Variants in CDH23 observed in about 807,000 individuals in gnomAD.
The protein encoded by CDH23 is cadherin related 23, also known as cadherin-23.
A neutral mutation model predicts 317.1 loss-of-function variants in CDH23; 189 were observed. The ratio of observed to expected loss-of-function variants is 0.60; its 90% confidence interval spans 0.53 to 0.67. CDH23 has a LOEUF of 0.67. CDH23 is among the 30% of genes least tolerant of loss of function. CDH23 has a pLI of 0.00. For missense variants in CDH23, 4,401 were observed against 4,592.4 expected, an observed-to-expected ratio of 0.96 and a Z score of 1.20; for synonymous variants, 1,839 against 1,876.8, an observed-to-expected ratio of 0.98 and a Z score of 0.52.
In CDH23 at chr10:71,523,570, A is replaced by G. The variant is rs986974816; in HGVS notation, c.429+12358A>G. The stretch of plus-strand genomic sequence containing the variant: ...ACATTTCCACGGAGCCACACTCGGG[A>G]GGCACGGGTCGGAGCCAGCAGCCGG... On this transcript the variant is annotated intron_variant, in intron 6 of 69. Transcript: ENST00000224721. Among the ~76,000 whole-genome samples the G allele has an allele frequency of 2.6e-5, 4 of 152,294 alleles. No individual in the cohort carries two copies. In the East Asian group the frequency reaches 5.8e-4, roughly 22 times the overall value.
At chr10:71,612,227 A>AGTGTGTGTGTGTGTGT (rs112383786) in intron 9 of CDH23, among the ~76,000 whole-genome samples, 2 of 149,188 alleles carry the variant, frequency 1.3e-5, no homozygotes, top group African/African-American at 4.9e-5. Context: ...GTGAAAAAGA[A>AGTGTGTGTGTGTGTGT]GTGTGTGTGT....
chr10:71,793,594 C>T lies in CDH23; in HGVS notation c.6666C>T (p.Arg2222=), dbSNP rs754356153. The T allele has an allele frequency of 6.2e-7, 1 of 1,608,050 alleles. No homozygotes were observed. The highest frequency in any genetic ancestry group is 1.3e-5 in the African/African-American group (1 of 74,822). Residue 2222 remains arginine, a synonymous_variant, in exon 48 of 70, where the codon CGC becomes CGT. Transcript: ENST00000224721. The part of the protein sequence containing the change: ...VGIVAKDDTD[R]LVPNQEDAFA... ...TTGTGGCCAAGGACGACACTGATCG[C>T]CTGGTGCCCAACCAGGAGGACGCCT...
intron 1 of CDH23, among the ~76,000 whole-genome samples, chr10:71,403,360 TTTCTTTC>T (rs1847891219): frequency 9.8e-6 from 1 of 101,866 alleles, no homozygotes; most frequent in African/African-American, 5.4e-5. Flanking sequence ...TCTTTCTTTC[TTTCTTTC>T]TTTCTTTCTT....
intron 38 of CDH23, among the ~76,000 whole-genome samples, chr10:71,760,048 CACACACATATATAT>C (rs1453217678): frequency 5.2e-5 from 6 of 114,780 alleles, no homozygotes; most frequent in East Asian, 2.9e-4. Flanking sequence ...CATATATACA[CACACACATATATAT>C]ACACACACAC....
chr10:71,704,782 T>C, intron 24 of CDH23, 129 bp from the exon 25 acceptor site: 1 of 749,820 alleles, frequency 1.3e-6, no homozygotes, highest in Non-Finnish European at 2.3e-6. Flanking sequence ...GGCCTAAGGC[T>C]TGGAGGGGAG....
At position 71,815,244 on chromosome 10, in the gene CDH23, T is replaced by A. The variant is rs764380612; in HGVS notation, c.10031T>A (p.Ile3344Asn). ...CCCCTGCACAAACTTCGCGACGTGA[T>A]CATGGAGACCCCCCTGGAGATCACA... Reference protein sequence around the residue: ...STPLHKLRDVIMETPLEITEL With the variant: ...STPLHKLRDVNMETPLEITEL The change falls in exon 70 of 70, where the codon ATC becomes AAC. Residue 3344 changes from isoleucine (I) to asparagine (N), a missense_variant. By Grantham distance (149) the Ile-to-Asn change is moderately radical (BLOSUM62 -3). Around this residue, in one of 3 missense-constraint regions of CDH23, gnomAD observed 1,144 missense variants for 1,138.2 expected, o/e 1.01. Coordinates refer to ENST00000224721, the MANE Select transcript of CDH23 (RefSeq NM_022124.6). 6 of 1,588,722 alleles carry A rather than the reference T, an allele frequency of 3.8e-6. No homozygotes were observed. The South Asian group carries it at 6.8e-5, about 18-fold the overall frequency.
chr10:71,411,943 A>C lies in CDH23; in HGVS notation c.-6+14625A>C, dbSNP rs191148985. ...GCATCATCTGAAATGGAAATACTGTACCCATTAAACAGTAACTCCCCATTC... is the reference window on the plus strand; with the variant it reads ...GCATCATCTGAAATGGAAATACTGTCCCCATTAAACAGTAACTCCCCATTC... On this transcript the variant is annotated intron_variant, in intron 1 of 69. Coordinates refer to ENST00000224721, the MANE Select transcript of CDH23 (RefSeq NM_022124.6). Among the ~76,000 whole-genome samples the C allele has an allele frequency of 5.0e-3, 759 of 152,272 alleles. 6 individuals are homozygous for C. Among genetic ancestry groups the C allele is most frequent in the African/African-American group, 0.017 (725 of 41,552 alleles).
rs761257512 is a variant in CDH23 at position 71,646,309 on chromosome 10, G to A, written c.1291-150G>A. ...GCCATCCCTAGAGCAATAACAGACG[G>A]GCTCGCAGTAGCACAGAGCTGGGAT... On this transcript the variant is annotated intron_variant, in intron 13 of 69. Transcript: ENST00000224721. The A allele has an allele frequency of 2.7e-4, 339 of 1,241,352 alleles. 1 individual carries two copies. The highest frequency in any genetic ancestry group is 1.3e-3 in the South Asian group (89 of 66,664). The allele number at this position is 1,241,352 out of a possible 1,614,324, so 76.9% of individuals were successfully genotyped here.
intron 3 of CDH23, among the ~76,000 whole-genome samples, chr10:71,503,850 C>G (rs370293745): frequency 1.3e-5 from 2 of 152,012 alleles, no homozygotes; most frequent in African/African-American, 2.4e-5. Context: ...AGGGTAGGAA[C>G]CTTCCCAGCC....
chr10:71,687,291 G>A (rs1864945939), intron 18 of CDH23, among the ~76,000 whole-genome samples: 1 of 152,196 alleles, frequency 6.6e-6, no homozygotes, highest in South Asian at 2.1e-4. Context: ...TGGGAGCTGG[G>A]GGTGTGAGTG....
chr10:71,721,561 C>G (rs1234020615), intron 28 of CDH23, among the ~76,000 whole-genome samples: 1 of 152,166 alleles, frequency 6.6e-6, no homozygotes, highest in Non-Finnish European at 1.5e-5. Context: ...AGTGACAAAG[C>G]CTAAATTCAT....
intron 18 of CDH23, among the ~76,000 whole-genome samples, chr10:71,685,273 G>T (rs1864826488): frequency 6.6e-6 from 1 of 152,118 alleles, no homozygotes; most frequent in Admixed American, 6.5e-5. Flanking sequence ...TCTGGTCAGG[G>T]GACAACACTT....
At chr10:71,734,715 C>CACA in intron 34 of CDH23, 57 bp downstream of exon 34, 3 of 1,198,336 alleles carry the variant, frequency 2.5e-6, no homozygotes, top group Non-Finnish European at 3.5e-6. Context: ...CAGTGCTGGC[C>CACA]GGGCTCTGCC....
chr10:71,760,020 C>CAT (rs1176056853), intron 38 of CDH23, among the ~76,000 whole-genome samples: 14 of 91,292 alleles, frequency 1.5e-4, no homozygotes, highest in African/African-American at 2.2e-4. Context: ...TACACACACA[C>CAT]ATATATACAC....
Position 71,753,897 on chromosome 10 carries a change from A to G in CDH23, c.4845+11976A>G, listed in dbSNP as rs142631369. Reference sequence around the variant, plus strand: ...TGGGTCAGGCTTCGTGCAGGTGCACACGGGTATTCCCTCATCTCATCCTCT... The same window carrying G: ...TGGGTCAGGCTTCGTGCAGGTGCACGCGGGTATTCCCTCATCTCATCCTCT... On this transcript the variant is annotated intron_variant, in intron 38 of 69. Coordinates refer to ENST00000224721, the MANE Select transcript of CDH23 (RefSeq NM_022124.6). The G allele has an allele frequency of 6.1e-5, 28 of 456,358 alleles. 1 individual carries two copies. The highest frequency in any genetic ancestry group is 5.4e-4 in the African/African-American group (27 of 50,196). The allele number at this position is 456,358 out of a possible 1,614,324, so 28.3% of individuals were successfully genotyped here.
intron 34 of CDH23, among the ~76,000 whole-genome samples, chr10:71,736,818 A>G (rs1191401210): frequency 6.6e-6 from 1 of 152,222 alleles, no homozygotes; most frequent in African/African-American, 2.4e-5. Context: ...AGGGAAAGAC[A>G]TTGATCAAAT....
At chr10:71,628,459 C>T (rs969476016) in intron 11 of CDH23, among the ~76,000 whole-genome samples, 4 of 152,170 alleles carry the variant, frequency 2.6e-5, no homozygotes, top group Admixed American at 6.5e-5. Context: ...TCAGTTTCTC[C>T]ATCTGTTAAA....
chr10:71,555,493 C>T (rs997046849), intron 6 of CDH23, among the ~76,000 whole-genome samples: 1 of 152,168 alleles, frequency 6.6e-6, no homozygotes, highest in Non-Finnish European at 1.5e-5. Context: ...GTGGGCCAGC[C>T]GTCCGTCCCT....
chr10:71,429,388 G>A (rs1244565491), intron 1 of CDH23, among the ~76,000 whole-genome samples: 1 of 152,190 alleles, frequency 6.6e-6, no homozygotes, highest in Non-Finnish European at 1.5e-5. Context: ...CTCTGCACAA[G>A]GTACATGCTC....
Sources: allele counts gnomAD v4.1 joint callset (sites outside exome capture counted in the v4.1 genomes callset), GRCh38; gene constraint gnomAD v4.1.1; regional missense constraint gnomAD v4.1.1; transcripts MANE v1.5; gene names NCBI Gene and HGNC (gene_info 2026-07-23, HGNC 2026-07-21).